The following SORCS2 variants were observed in gnomAD, a reference collection of about 807,000 sequenced individuals.
The protein encoded by SORCS2 is sortilin related VPS10 domain containing receptor 2.
Under a neutral mutation model 141.6 loss-of-function variants are expected in SORCS2, and 100 were observed. The observed-to-expected ratio is 0.71, with a 90% CI of 0.60 to 0.83. SORCS2 has a LOEUF of 0.83. Ranked by LOEUF, SORCS2 falls within the 40% of genes least tolerant of loss-of-function variation. The pLI, the probability that SORCS2 is intolerant of heterozygous loss-of-function variation, is 0.00. For synonymous variants in SORCS2, 789 were observed against 676.9 expected, an observed-to-expected ratio of 1.17 and a Z score of -2.57; for missense variants, 1,646 against 1,560.2, an observed-to-expected ratio of 1.05 and a Z score of -0.93.
intron 1 of SORCS2, among the ~76,000 whole-genome samples, chr4:7,316,436 G>A (rs1450851171): frequency 6.6e-6 from 1 of 152,148 alleles, no homozygotes; most frequent in African/African-American, 2.4e-5. Context: ...TTTAGCCTCA[G>A]CCCAAGCACA....
At chr4:7,455,636 C>CCGTGTTGGGGTCAGGCTT (rs1212519403) in intron 2 of SORCS2, among the ~76,000 whole-genome samples, 84 of 138,626 alleles carry the variant, frequency 6.1e-4, no homozygotes, top group African/African-American at 2.1e-3. Flanking sequence ...GGGTCAGGCG[C>CCGTGTTGGGGTCAGGCTT]CGTGTTGGGG....
intron 1 of SORCS2, among the ~76,000 whole-genome samples, chr4:7,393,315 C>T (rs1723984042): frequency 6.6e-6 from 1 of 152,130 alleles, no homozygotes; most frequent in African/African-American, 2.4e-5. Flanking sequence ...TTTCTCCCAC[C>T]CAGATCAAAG....
At chr4:7,719,424 G>C (rs1021858881) in intron 18 of SORCS2, among the ~76,000 whole-genome samples, 3 of 150,270 alleles carry the variant, frequency 2.0e-5, no homozygotes, top group African/African-American at 7.4e-5. Context: ...GGCTCGGACA[G>C]AGAAGTCACT....
At chr4:7,644,551 C>T (rs924211634) in intron 4 of SORCS2, among the ~76,000 whole-genome samples, 2 of 152,230 alleles carry the variant, frequency 1.3e-5, no homozygotes, top group Non-Finnish European at 2.9e-5. Context: ...CTGCAGCTTT[C>T]AGGCCTCTGC....
intron 2 of SORCS2, among the ~76,000 whole-genome samples, chr4:7,421,522 C>T (rs1343394955): frequency 6.6e-6 from 1 of 152,188 alleles, no homozygotes; most frequent in Non-Finnish European, 1.5e-5. Context: ...TAGCCAGCGC[C>T]AGGGAATACT....
intron 3 of SORCS2, among the ~76,000 whole-genome samples, chr4:7,633,796 C>CA (rs1330269143): frequency 1.5e-4 from 9 of 59,402 alleles, no homozygotes; most frequent in Admixed American, 2.2e-4. Flanking sequence ...CTTCATGTGT[C>CA]CGTCAGGCGG....
At chr4:7,562,062 C>G (rs542466249) in intron 3 of SORCS2, among the ~76,000 whole-genome samples, 2 of 152,332 alleles carry the variant, frequency 1.3e-5, no homozygotes, top group South Asian at 2.1e-4. Context: ...AGCCCCTACC[C>G]CATGGAGTTG....
In SORCS2 at chr4:7,193,325, T is replaced by C. The variant is rs906410607; in HGVS notation, c.480+199T>C. On this transcript the variant is annotated intron_variant, in intron 1 of 26. Coordinates refer to ENST00000507866, the MANE Select transcript of SORCS2 (RefSeq NM_020777.3). The surrounding 1 kb of genome is among the most constrained non-coding windows in gnomAD (Gnocchi z 4.8). ...GTTACTTGGGGAGAGGTCCTCAGAT[T>C]CGTACGCTTGTCTCACCGCAGGGGA... Among the ~76,000 whole-genome samples, 6 of 152,142 alleles carry C rather than the reference T, an allele frequency of 3.9e-5. No homozygotes were observed. The highest frequency in any genetic ancestry group is 7.4e-5 in the Non-Finnish European group (5 of 68,012).
chr4:7,227,618 G>A (rs1218301044), intron 1 of SORCS2, among the ~76,000 whole-genome samples: 1 of 152,104 alleles, frequency 6.6e-6, no homozygotes, highest in Admixed American at 6.5e-5. Flanking sequence ...GGTGGCCTGG[G>A]GTGAAGAGTT....
chr4:7,408,288 G>T (rs755883980), intron 2 of SORCS2, among the ~76,000 whole-genome samples: 1 of 152,078 alleles, frequency 6.6e-6, no homozygotes, highest in Non-Finnish European at 1.5e-5. Context: ...AGATGCGGGG[G>T]TGGTGAATTC....
At chr4:7,276,571 C>G (rs12500160) in intron 1 of SORCS2, among the ~76,000 whole-genome samples, 142 of 152,254 alleles carry the variant, frequency 9.3e-4, no homozygotes, top group African/African-American at 2.8e-3. Context: ...CTGCCTCCCC[C>G]GCTCCAGGCC....
At chr4:7,297,777 A>G (rs1195172274) in intron 1 of SORCS2, among the ~76,000 whole-genome samples, 5 of 152,196 alleles carry the variant, frequency 3.3e-5, no homozygotes, top group African/African-American at 1.2e-4. Context: ...CTCAGGCAGC[A>G]CTTTTGGGCC....
At chr4:7,696,231 G>A (rs1724701083) in intron 11 of SORCS2, among the ~76,000 whole-genome samples, 1 of 152,144 alleles carries the variant, frequency 6.6e-6, no homozygotes, top group Non-Finnish European at 1.5e-5. Flanking sequence ...CCAGGGTGGG[G>A]CCTCTGGGGC....
intron 3 of SORCS2, among the ~76,000 whole-genome samples, chr4:7,609,427 G>A (rs763059995): frequency 2.0e-4 from 31 of 152,204 alleles, no homozygotes; most frequent in African/African-American, 7.0e-4. Flanking sequence ...CAGCCCACCC[G>A]GCCAGACCTG....
intron 2 of SORCS2, among the ~76,000 whole-genome samples, chr4:7,441,005 G>A (rs1451643622): frequency 6.6e-6 from 1 of 152,174 alleles, no homozygotes; most frequent in East Asian, 1.9e-4. Context: ...GACCGTGGGG[G>A]AAGGTGGAGA....
At position 7,714,382 on chromosome 4, in the gene SORCS2, C is replaced by A. The variant is rs1389924043; in HGVS notation, c.2123+9C>A. On this transcript the variant is annotated intron_variant, in intron 16 of 26. Transcript: ENST00000507866. ...GACTCGGACTTCCTGTGGTGAGCGA[C>A]GGGCTCCTGGCCACGAGGCCTCAGG... 1 of 1,549,658 alleles carries A rather than the reference C, an allele frequency of 6.5e-7. No individual in the cohort carries two copies. Among genetic ancestry groups the A allele is most frequent in the Non-Finnish European group, 8.7e-7 (1 of 1,146,486 alleles).
At chr4:7,308,098 A>G (rs1717952265) in intron 1 of SORCS2, among the ~76,000 whole-genome samples, 1 of 152,064 alleles carries the variant, frequency 6.6e-6, no homozygotes, top group Admixed American at 6.5e-5. Context: ...GGATGCCTGG[A>G]ACCCTGTTCC....
Position 7,622,302 on chromosome 4 carries a change from G to A in SORCS2, c.649-16026G>A, listed in dbSNP as rs541169322. Among the ~76,000 whole-genome samples, 5 of 152,332 alleles carry A rather than the reference G, an allele frequency of 3.3e-5. No homozygotes were observed. The South Asian group carries it at 8.3e-4, about 25-fold the overall frequency. ...GTGACTCGCGGTCTCGCCACTGTAT[G>A]TGCATGGCCAGAATTCCTTGTAGCT... On this transcript the variant is annotated intron_variant, in intron 3 of 26. Coordinates refer to ENST00000507866, the MANE Select transcript of SORCS2 (RefSeq NM_020777.3).
At chr4:7,574,260 T>C (rs942603032) in intron 3 of SORCS2, among the ~76,000 whole-genome samples, 1 of 152,206 alleles carries the variant, frequency 6.6e-6, no homozygotes, top group Non-Finnish European at 1.5e-5. Context: ...GAGGGTGTGG[T>C]CCCTTCTCCC....
Sources: allele counts gnomAD v4.1 joint callset (sites outside exome capture counted in the v4.1 genomes callset), GRCh38; gene constraint gnomAD v4.1.1; non-coding constraint Gnocchi (gnomAD v3.1); transcripts MANE v1.5; gene names NCBI Gene and HGNC (gene_info 2026-07-23, HGNC 2026-07-21).